The following LRRC46 variants were observed in gnomAD, a reference collection of about 807,000 sequenced individuals.
LRRC46 encodes the protein leucine-rich repeat-containing protein 46.
A neutral mutation model predicts 28.0 loss-of-function variants in LRRC46; 20 were observed. The observed-to-expected ratio is 0.71, with a 90% CI of 0.50 to 1.04. The LOEUF (loss-of-function observed/expected upper bound fraction) is 1.04. Among genes scored for constraint, LRRC46 ranks in the 50% least tolerant of loss-of-function variants. The probability of loss-of-function intolerance (pLI) is 0.00; values close to 1 mark genes in which losing one functional copy is unlikely to be tolerated. For missense variants in LRRC46, 315 were observed against 390.1 expected (o/e 0.81, Z 1.62); for synonymous variants, 156 against 158.8 (o/e 0.98, Z 0.13).
At position 47,836,353 on chromosome 17, in the gene LRRC46, T is replaced by G. The variant is rs780657901; in HGVS notation, c.473T>G (p.Leu158Arg). ...TGCAGCGAGCTGGTGACAGAAGCCC[T>G]GCCACTTCTCCTGGACCTGGACGGG... ...DGYRELVTEALPLLLDLDGQP... is the reference protein window; with the variant it reads ...DGYRELVTEARPLLLDLDGQP... Residue 158 changes from leucine (L) to arginine (R), a missense_variant, in exon 7 of 8, where the codon CTG becomes CGG. Coordinates refer to ENST00000269025, the MANE Select transcript of LRRC46 (RefSeq NM_033413.4). The surrounding 1 kb of genome is among the most constrained non-coding windows in gnomAD (Gnocchi z 5.8). The G allele has an allele frequency of 3.6e-5, 58 of 1,614,054 alleles. No individual in the cohort carries two copies. In the East Asian group the frequency reaches 1.3e-3, roughly 35 times the overall value.
Position 47,837,092 on chromosome 17 carries a change from A to C in LRRC46, c.938A>C (p.Lys313Thr). The C allele has an allele frequency of 6.2e-7, 1 of 1,604,928 alleles. No individual in the cohort carries two copies. ...ASVAEAPSTT[K>T]TTAKRSKK ...GTGGCTGAGGCCCCCAGCACAACCA[A>C]AACTACGGCCAAGAGAAGCAAGAAA... Residue 313 changes from lysine (K) to threonine (T), a missense_variant, in exon 8 of 8, where the codon AAA becomes ACA. Physicochemically the swap from Lys to Thr is moderately conservative, Grantham distance 78. Coordinates refer to ENST00000269025, the MANE Select transcript of LRRC46 (RefSeq NM_033413.4).
At chr17:47,835,012 TTCTC>T (rs945276147) in intron 3 of LRRC46, 13 of 298,156 alleles carry the variant, frequency 4.4e-5, no homozygotes, top group Admixed American at 9.8e-5. Flanking sequence ...ATGCTCATTG[TTCTC>T]TCTGTGTATG....
Position 47,831,828 on chromosome 17 carries a change from C to A in LRRC46, c.-162C>A. On this transcript the variant is annotated 5_prime_UTR_variant, in exon 1 of 8. Transcript: ENST00000269025. ...ATCAATTTACTGTTTTCTTCGACCT[C>A]ACCCCAGCAATTTTCTCTGAATCAA... The A allele has an allele frequency of 1.1e-6, 1 of 886,390 alleles. No homozygotes were observed. Among genetic ancestry groups the A allele is most frequent in the South Asian group, 1.7e-5 (1 of 60,282 alleles). The allele number at this position is 886,390 out of a possible 1,614,324, so 54.9% of individuals were successfully genotyped here. A position where few individuals can be genotyped will look rare whatever the true frequency, so the allele number is the denominator to read the frequency against.
intron 3 of LRRC46, chr17:47,834,883 T>C (rs1211343153): frequency 2.6e-5 from 6 of 231,016 alleles, no homozygotes; most frequent in African/African-American, 4.6e-5. Context: ...ATTCAGATCC[T>C]ACTTGAAGGC....
At position 47,836,158 on chromosome 17, in the gene LRRC46, G is replaced by C; in HGVS notation, c.452+56G>C. The C allele has an allele frequency of 1.2e-6, 2 of 1,601,280 alleles. No individual in the cohort carries two copies. The highest frequency in any genetic ancestry group is 2.2e-5 in the East Asian group (1 of 44,782). The stretch of plus-strand genomic sequence containing the variant: ...TGGCTGAGCTCTACCTGCTAACTCA[G>C]CCCAGACCCCTCTCAGCCTGCAAAC... On this transcript the variant is annotated intron_variant, in intron 6 of 7. Transcript: ENST00000269025. This position sits in a 1 kb window ranked among gnomAD's most constrained non-coding sequence, Gnocchi z 5.8.
At chr17:47,832,707 T>G (rs2033648947) in intron 2 of LRRC46, among the ~76,000 whole-genome samples, 1 of 152,152 alleles carries the variant, frequency 6.6e-6, no homozygotes, top group African/African-American at 2.4e-5. Flanking sequence ...TAAAGTATTT[T>G]TAATTACTTT....
rs775047796 is a variant in LRRC46, at chr17:47,836,089, C to T, written c.439C>T (p.Gln147Ter). ...LNLSGNSCTNQDGYRELVTEA... is the reference protein window; with the variant it reads ...LNLSGNSCTN The stretch of plus-strand genomic sequence containing the variant: ...CCTGTCTGGAAACAGCTGCACCAAC[C>T]AGGATGGCTACCGGTAAGGAGTGGA... The change falls in exon 6 of 8, where the codon CAG becomes TAG. Residue 147 changes from glutamine to a stop codon, truncating the protein, a stop_gained. Coordinates refer to ENST00000269025, the MANE Select transcript of LRRC46 (RefSeq NM_033413.4). LOFTEE classifies it high-confidence loss of function. The surrounding 1 kb of genome is among the most constrained non-coding windows in gnomAD (Gnocchi z 5.8). The T allele has an allele frequency of 6.2e-7, 1 of 1,614,144 alleles. No individual in the cohort carries two copies. Among genetic ancestry groups the T allele is most frequent in the South Asian group, 1.1e-5 (1 of 91,080 alleles).
Position 47,837,393 on chromosome 17 carries a change from C to A in LRRC46, c.*273C>A. 1 of 472,766 alleles carries A rather than the reference C, an allele frequency of 2.1e-6. No homozygotes were observed. The highest frequency in any genetic ancestry group is 3.7e-6 in the Non-Finnish European group (1 of 271,930). 29.3% of individuals were successfully genotyped at this position (472,766 alleles called of 1,614,324 possible). Reference sequence around the variant, plus strand: ...GCATGCCTCAGGCCCCCGCTGGCTTCCTGGCTCCCACTTGGGCAGGAAGCG... The same window carrying A: ...GCATGCCTCAGGCCCCCGCTGGCTTACTGGCTCCCACTTGGGCAGGAAGCG... On this transcript the variant is annotated 3_prime_UTR_variant, in exon 8 of 8. Transcript: ENST00000269025.
At position 47,836,415 on chromosome 17, in the gene LRRC46, G is replaced by A. The variant is rs2033697267; in HGVS notation, c.535G>A (p.Asp179Asn). ...GGAGCGCTGGATTTCGGATGAGGAG[G>A]ATGAAGCCTCAAGCGATGAGGAGTT... ...VVERWISDEE[D>N]EASSDEEFPE... The change falls in exon 7 of 8, where the codon GAT (aspartate) becomes AAT (asparagine). Residue 179 changes from aspartate (D) to asparagine (N), a missense_variant. By Grantham distance (23) the Asp-to-Asn change is conservative (BLOSUM62 1). Coordinates refer to ENST00000269025, the MANE Select transcript of LRRC46 (RefSeq NM_033413.4). The surrounding 1 kb of genome is among the most constrained non-coding windows in gnomAD (Gnocchi z 5.8). The A allele has an allele frequency of 6.2e-7, 1 of 1,614,150 alleles. No individual in the cohort carries two copies. The highest frequency in any genetic ancestry group is 1.3e-5 in the African/African-American group (1 of 75,048).
Position 47,831,853 on chromosome 17 carries a change from A to G in LRRC46, c.-137A>G. ...CACCCCAGCAATTTTCTCTGAATCA[A>G]CCCCCTTTCCTCCTCTCCTAAGTCT... On this transcript the variant is annotated 5_prime_UTR_variant, in exon 1 of 8. Transcript: ENST00000269025. 10 of 1,137,058 alleles carry G rather than the reference A, an allele frequency of 8.8e-6. No individual in the cohort carries two copies. Among genetic ancestry groups the G allele is most frequent in the Non-Finnish European group, 1.3e-5 (10 of 782,262 alleles). 70.4% of individuals were successfully genotyped at this position (1,137,058 alleles called of 1,614,324 possible). A position where few individuals can be genotyped will look rare whatever the true frequency, so the allele number is the denominator to read the frequency against.
Position 47,836,626 on chromosome 17 carries a change from C to G in LRRC46, c.596-124C>G. 1 of 1,492,910 alleles carries G rather than the reference C, an allele frequency of 6.7e-7. No individual in the cohort carries two copies. Among genetic ancestry groups the G allele is most frequent in the African/African-American group, 1.4e-5 (1 of 70,950 alleles). The allele number at this position is 1,492,910 out of a possible 1,614,324, so 92.5% of individuals were successfully genotyped here. A position where few individuals can be genotyped will look rare whatever the true frequency, so the allele number is the denominator to read the frequency against. ...CAGAGCCAGGTGTCAGTCCTGGGCC[C>G]CAGCCTCAGGCTCCTTCCCACAAGG... On this transcript the variant is annotated intron_variant, in intron 7 of 7. Coordinates refer to ENST00000269025, the MANE Select transcript of LRRC46 (RefSeq NM_033413.4). The surrounding 1 kb of genome is among the most constrained non-coding windows in gnomAD (Gnocchi z 5.8).
chr17:47,833,782 G>A (rs1284139824), intron 2 of LRRC46: 1 of 163,458 alleles, frequency 6.1e-6, no homozygotes, highest in East Asian at 2.0e-4. Context: ...ATAGGGTCTT[G>A]CTCTGTCACC....
chr17:47,834,704 T>C, intron 3 of LRRC46, 171 bp downstream of exon 3: 1 of 528,024 alleles, frequency 1.9e-6, no homozygotes, highest in Non-Finnish European at 3.4e-6. Flanking sequence ...GAAAAACTAA[T>C]TCCCTCAAAA....
rs532752348 is a variant in LRRC46 at position 47,835,796 on chromosome 17, G to C, written c.382+21G>C. 2.8e-5 allele frequency: 45 copies of C among 1,602,530 alleles called. No homozygotes were observed. The South Asian group carries it at 4.5e-4, about 16-fold the overall frequency. Reference sequence around the variant, plus strand: ...GCTGGGTAGGAACCCACTCGCCCTGGCTCACCAAACACATCCCCTGTGGGG... The same window carrying C: ...GCTGGGTAGGAACCCACTCGCCCTGCCTCACCAAACACATCCCCTGTGGGG... On this transcript the variant is annotated intron_variant, in intron 5 of 7. Coordinates refer to ENST00000269025, the MANE Select transcript of LRRC46 (RefSeq NM_033413.4).
chr17:47,834,352 C>T (rs1043543979), intron 2 of LRRC46, 73 bp from the exon 3 acceptor site: 15 of 1,094,732 alleles, frequency 1.4e-5, no homozygotes, highest in East Asian at 7.6e-5. Context: ...TTCCCTCCTC[C>T]GTCTCCCATC....
Position 47,831,968 on chromosome 17 carries a change from C to T in LRRC46, c.-22C>T. On this transcript the variant is annotated 5_prime_UTR_variant, in exon 1 of 8. Coordinates refer to ENST00000269025, the MANE Select transcript of LRRC46 (RefSeq NM_033413.4). ...TTTTCGTTCCTCTCCCGCCTCAGAC[C>T]AGCAGCCTTTTATTTTAGATCATGT... is the stretch of plus-strand genomic sequence containing the variant. The T allele has an allele frequency of 1.2e-6, 2 of 1,613,116 alleles. No individual in the cohort carries two copies. Among genetic ancestry groups the T allele is most frequent in the Non-Finnish European group, 1.7e-6 (2 of 1,180,018 alleles).
intron 5 of LRRC46, 54 bp from the exon 6 acceptor site, chr17:47,835,979 C>CTT: frequency 6.3e-7 from 1 of 1,594,072 alleles, no homozygotes; most frequent in East Asian, 2.2e-5. Flanking sequence ...GCTTCATGGT[C>CTT]TTTTGGCTAA....
intron 2 of LRRC46, chr17:47,834,002 T>C: frequency 1.0e-6 from 1 of 987,320 alleles, no homozygotes; most frequent in Non-Finnish European, 1.2e-6. Flanking sequence ...AATGAATGGG[T>C]GGATGGAACA....
chr17:47,836,429 C>T lies in LRRC46; in HGVS notation c.549C>T (p.Ser183=), dbSNP rs763977340. 4.7e-5 allele frequency: 76 copies of T among 1,614,000 alleles called. No homozygotes were observed. Among genetic ancestry groups the T allele is most frequent in the Admixed American group, 4.0e-4 (24 of 60,006 alleles). The part of the protein sequence containing the change: ...WISDEEDEAS[S]DEEFPELSGP... The stretch of plus-strand genomic sequence containing the variant: ...CGGATGAGGAGGATGAAGCCTCAAG[C>T]GATGAGGAGTTCCCAGAGCTGAGTG... Residue 183 remains serine (S), a synonymous_variant, in exon 7 of 8, where the codon AGC becomes AGT. Coordinates refer to ENST00000269025, the MANE Select transcript of LRRC46 (RefSeq NM_033413.4). The surrounding 1 kb of genome is among the most constrained non-coding windows in gnomAD (Gnocchi z 5.8).
Sources: allele counts gnomAD v4.1 joint callset (sites outside exome capture counted in the v4.1 genomes callset), GRCh38; gene constraint gnomAD v4.1.1; non-coding constraint Gnocchi (gnomAD v3.1); transcripts MANE v1.5; gene names NCBI Gene and HGNC (gene_info 2026-07-23, HGNC 2026-07-21).